EBF2: variants seen among roughly 807,000 people sequenced by gnomAD.
EBF2 encodes transcription factor COE2.
Under a neutral mutation model 72.8 loss-of-function variants are expected in EBF2, and 21 were observed. That is an observed-to-expected ratio of 0.29 (90% confidence interval 0.20 to 0.42). The LOEUF (loss-of-function observed/expected upper bound fraction) is 0.42, where lower values mean the gene tolerates loss of function less well. Among genes scored for constraint, EBF2 ranks in the 10% least tolerant of loss-of-function variants. The probability of loss-of-function intolerance (pLI) is 1.00; values close to 1 mark genes in which losing one functional copy is unlikely to be tolerated. For synonymous variants in EBF2, 299 were observed against 274.2 expected, an observed-to-expected ratio of 1.09 and a Z score of -0.89; for missense variants, 637 against 731.2, an observed-to-expected ratio of 0.87 and a Z score of 1.49.
chr8:25,947,028 G>T (rs1329500498), intron 6 of EBF2, among the ~76,000 whole-genome samples: 1 of 152,152 alleles, frequency 6.6e-6, no homozygotes, highest in Non-Finnish European at 1.5e-5. Context: ...CTTCTTGCCT[G>T]AATTACTGAT....
chr8:25,850,708 A>G lies in EBF2; in HGVS notation c.1582T>C (p.Phe528Leu), dbSNP rs1416010934. 1.3e-6 allele frequency: 2 copies of G among 1,560,694 alleles called. No individual in the cohort carries two copies. The highest frequency in any genetic ancestry group is 4.2e-5 in the Admixed American group (2 of 47,232). Residue 528 changes from phenylalanine (F) to leucine (L), a missense_variant, in exon 15 of 16, where the codon TTT becomes CTT. Around this residue, in one of 3 missense-constraint regions of EBF2, gnomAD observed 259 missense variants for 268.1 expected, o/e 0.97. Transcript: ENST00000520164. ...ACAGCAGGAAAAACTGAAGAGGAAA[A>G]TGGGAGGATGGAGGATGTGCTGGAA... ...GSSSTSSILPFSSSVFPAVKQ... is the reference protein window; with the variant it reads ...GSSSTSSILPLSSSVFPAVKQ...
chr8:25,954,396 G>A (rs1205026349), intron 6 of EBF2, among the ~76,000 whole-genome samples: 3 of 152,204 alleles, frequency 2.0e-5, no homozygotes, highest in East Asian at 1.9e-4. Flanking sequence ...ACCTTCGCGC[G>A]CAGGGAGATG....
intron 6 of EBF2, among the ~76,000 whole-genome samples, chr8:26,030,736 C>T (rs1805388272): frequency 6.6e-6 from 1 of 152,116 alleles, no homozygotes; most frequent in African/African-American, 2.4e-5. Flanking sequence ...TCAAGTGAGG[C>T]AGAGACATCA....
intron 6 of EBF2, among the ~76,000 whole-genome samples, chr8:25,933,284 T>C (rs996931082): frequency 6.6e-6 from 1 of 152,138 alleles, no homozygotes; most frequent in Admixed American, 6.6e-5. Context: ...CGCTGAGCTG[T>C]TGATGGTATT....
intron 10 of EBF2, among the ~76,000 whole-genome samples, chr8:25,871,551 A>C (rs1054104782): frequency 2.0e-5 from 3 of 152,350 alleles, no homozygotes; most frequent in African/African-American, 7.2e-5. Context: ...TAATTATGGC[A>C]TGGCATGAAG....
chr8:26,042,301 A>G, intron 1 of EBF2, 50 bp from the exon 2 acceptor site: 1 of 1,569,074 alleles, frequency 6.4e-7, no homozygotes, highest in Non-Finnish European at 8.7e-7. Flanking sequence ...AAGCACAAAA[A>G]GGCGATGTTA....
chr8:25,965,102 T>G (rs574350798), intron 6 of EBF2, among the ~76,000 whole-genome samples: 1 of 152,294 alleles, frequency 6.6e-6, no homozygotes, highest in Admixed American at 6.5e-5. Flanking sequence ...TATACACATA[T>G]ATATTTAATA....
At chr8:26,038,192 T>TA (rs1298763964) in intron 5 of EBF2, among the ~76,000 whole-genome samples, 1 of 152,238 alleles carries the variant, frequency 6.6e-6, no homozygotes, top group East Asian at 1.9e-4. Context: ...CACACACATG[T>TA]ATGCTGCAGA....
intron 6 of EBF2, among the ~76,000 whole-genome samples, chr8:25,948,221 A>G (rs1034498879): frequency 6.6e-6 from 1 of 152,194 alleles, no homozygotes; most frequent in African/African-American, 2.4e-5. Flanking sequence ...ACCAAAAATG[A>G]CAAGGTGCAC....
rs971334534 is a variant in EBF2 at position 25,921,563 on chromosome 8, A to G, written c.552-13008T>C. Among the ~76,000 whole-genome samples the G allele has an allele frequency of 1.6e-4, 24 of 152,316 alleles. 1 individual carries two copies. The highest frequency in any genetic ancestry group is 5.1e-4 in the African/African-American group (21 of 41,572). ...GTCATTCAAACTTTATTGAGCCTAA[A>G]GCCTCTATTAACTCTATGGGAATTA... is the stretch of plus-strand genomic sequence containing the variant. On this transcript the variant is annotated intron_variant, in intron 6 of 15. Transcript: ENST00000520164.
At position 25,841,865 on chromosome 8, in the gene EBF2, AG is replaced by A. The variant is rs1403774548; in HGVS notation, c.*2743del. On this transcript the variant is annotated 3_prime_UTR_variant, in exon 16 of 16. Transcript: ENST00000520164. Reference sequence around the variant, plus strand: ...AAACAAAAAAGCTGTCTTTACAAAAAGCTCTGTGCATAGCAACTTTATACTG... The same window carrying A: ...AAACAAAAAAGCTGTCTTTACAAAAACTCTGTGCATAGCAACTTTATACTG... The A allele has an allele frequency of 6.6e-6, 1 of 152,228 alleles. No individual in the cohort carries two copies. The highest frequency in any genetic ancestry group is 1.5e-5 in the Non-Finnish European group (1 of 68,040). The allele number at this position is 152,228 out of a possible 1,614,324, so 9.4% of individuals were successfully genotyped here.
intron 10 of EBF2, among the ~76,000 whole-genome samples, chr8:25,879,363 T>G (rs1326481525): frequency 6.6e-6 from 1 of 152,214 alleles, no homozygotes; most frequent in Non-Finnish European, 1.5e-5. Context: ...TAAACTCCCA[T>G]GAACGGTCTT....
At chr8:25,897,300 C>T (rs559066905) in intron 7 of EBF2, among the ~76,000 whole-genome samples, 3 of 152,034 alleles carry the variant, frequency 2.0e-5, no homozygotes, top group Non-Finnish European at 4.4e-5. Flanking sequence ...TAAACCAACA[C>T]TGGTCAATTT....
At chr8:26,043,938 C>T (rs1805654235) in intron 1 of EBF2, among the ~76,000 whole-genome samples, 1 of 152,138 alleles carries the variant, frequency 6.6e-6, no homozygotes, top group Admixed American at 6.5e-5. Context: ...AGCACGCAGA[C>T]GCCTAAACAC....
intron 10 of EBF2, among the ~76,000 whole-genome samples, chr8:25,882,431 T>C (rs1184384853): frequency 6.6e-6 from 1 of 152,246 alleles, no homozygotes; most frequent in Non-Finnish European, 1.5e-5. Context: ...GACCTGGCTG[T>C]ACCAGCTTGT....
At chr8:26,013,608 G>A (rs1805062156) in intron 6 of EBF2, among the ~76,000 whole-genome samples, 1 of 151,762 alleles carries the variant, frequency 6.6e-6, no homozygotes, top group Non-Finnish European at 1.5e-5. Flanking sequence ...CCCCCAAATA[G>A]CAAATTGAGG....
intron 6 of EBF2, among the ~76,000 whole-genome samples, chr8:25,982,705 A>AGC (rs1211598857): frequency 6.6e-6 from 1 of 152,128 alleles, no homozygotes; most frequent in East Asian, 1.9e-4. Context: ...TGATTTTCCC[A>AGC]GCACCTTGTC....
chr8:25,999,745 G>T (rs1412888561), intron 6 of EBF2, among the ~76,000 whole-genome samples: 2 of 150,000 alleles, frequency 1.3e-5, no homozygotes, highest in Non-Finnish European at 1.5e-5. Context: ...TTCTATCGTC[G>T]TGTTCAGTCT....
At chr8:25,884,076 C>T (rs1224044629) in intron 10 of EBF2, among the ~76,000 whole-genome samples, 1 of 152,172 alleles carries the variant, frequency 6.6e-6, no homozygotes, top group Non-Finnish European at 1.5e-5. Context: ...CTCCTCTGCT[C>T]AACATCTTCC....
Sources: allele counts gnomAD v4.1 joint callset (sites outside exome capture counted in the v4.1 genomes callset), GRCh38; gene constraint gnomAD v4.1.1; regional missense constraint gnomAD v4.1.1; transcripts MANE v1.5; gene names NCBI Gene and HGNC (gene_info 2026-07-23, HGNC 2026-07-21).